HEATR3: variants seen among roughly 807,000 people sequenced by gnomAD.
HEATR3 encodes HEAT repeat containing 3, also known as HEAT repeat-containing protein 3.
In HEATR3, 56 loss-of-function variants were observed where a neutral mutation model predicts 72.8. That is an observed-to-expected ratio of 0.77 (90% CI 0.62 to 0.96). The LOEUF is 0.96. Among genes scored for constraint, HEATR3 ranks in the 40% least tolerant of loss-of-function variants. The probability of loss-of-function intolerance (pLI) is 0.00; values close to 1 mark genes in which losing one functional copy is unlikely to be tolerated. For missense variants in HEATR3, 747 were observed against 831.4 expected, an observed-to-expected ratio of 0.90 and a Z score of 1.25; for synonymous variants, 331 against 318.1, an observed-to-expected ratio of 1.04 and a Z score of -0.43.
At chr16:50,077,290 G>A (rs1315897877) in intron 6 of HEATR3, among the ~76,000 whole-genome samples, 8 of 151,660 alleles carry the variant, frequency 5.3e-5, no homozygotes, top group South Asian at 4.2e-4. Context: ...GATTACAGGC[G>A]TGAGCCACAG....
intron 11 of HEATR3, among the ~76,000 whole-genome samples, chr16:50,089,217 CT>C (rs530458656): frequency 2.2e-4 from 32 of 146,878 alleles, no homozygotes; most frequent in Admixed American, 4.1e-4. Context: ...TTGACATCAT[CT>C]TTTTTTTTTT....
At chr16:50,077,422 T>G (rs1174680053) in intron 6 of HEATR3, among the ~76,000 whole-genome samples, 1 of 152,212 alleles carries the variant, frequency 6.6e-6, no homozygotes, top group East Asian at 1.9e-4. Flanking sequence ...CCCAAAGTGC[T>G]GGAATTACAG....
chr16:50,066,247 C>T lies in HEATR3; in HGVS notation c.116C>T (p.Pro39Leu). 1 of 1,563,240 alleles carries T rather than the reference C, an allele frequency of 6.4e-7. No individual in the cohort carries two copies. Among genetic ancestry groups the T allele is most frequent in the Middle Eastern group, 1.7e-4 (1 of 5,946 alleles). ...ACCGGAGGCGAGGAGGACGACGGGCCGGCGGCGGAGCTGCTGGAAAAGGTG... is the reference window on the plus strand; with the variant it reads ...ACCGGAGGCGAGGAGGACGACGGGCTGGCGGCGGAGCTGCTGGAAAAGGTG... Reference protein sequence around the residue: ...NGTGGEEDDGPAAELLEKLQH... With the variant: ...NGTGGEEDDGLAAELLEKLQH... The change falls in exon 1 of 15, where the codon CCG becomes CTG. Residue 39 changes from proline to leucine, a missense_variant. Physicochemically the swap from Pro to Leu is moderately conservative, Grantham distance 98 (BLOSUM62 -3). Around this residue, in one of 2 missense-constraint regions of HEATR3, gnomAD observed 161 missense variants for 122.6 expected, o/e 1.31. Transcript: ENST00000299192.
intron 4 of HEATR3, among the ~76,000 whole-genome samples, chr16:50,070,942 G>A (rs1255809459): frequency 6.6e-6 from 1 of 152,172 alleles, no homozygotes; most frequent in Admixed American, 6.5e-5. Flanking sequence ...CCACATGCAG[G>A]TGCAGCTTTG....
chr16:50,099,140 T>G (rs1336077103), intron 12 of HEATR3, among the ~76,000 whole-genome samples: 2 of 152,282 alleles, frequency 1.3e-5, no homozygotes, highest in South Asian at 4.1e-4. Flanking sequence ...CCTCAGTTTC[T>G]AAGAAGTAGG....
intron 4 of HEATR3, 120 bp downstream of exon 4, chr16:50,070,410 A>G (rs1038578418): frequency 1.6e-5 from 7 of 436,646 alleles, no homozygotes; most frequent in African/African-American, 1.5e-4. Flanking sequence ...ATGTTAAGAC[A>G]TGGTAGGGGC....
At chr16:50,102,605 A>G (rs2037393564) in intron 14 of HEATR3, among the ~76,000 whole-genome samples, 170 bp downstream of exon 14, 1 of 152,190 alleles carries the variant, frequency 6.6e-6, no homozygotes, top group Non-Finnish European at 1.5e-5. Flanking sequence ...ATAGCTCAAC[A>G]GTGTGACTAC....
intron 5 of HEATR3, chr16:50,075,019 TA>T (rs2036692722): frequency 1.3e-5 from 2 of 151,862 alleles, no homozygotes; most frequent in South Asian, 4.2e-4. Flanking sequence ...TTGTATTTTG[TA>T]AAAAGTGTAG....
In HEATR3 at chr16:50,072,585, T is replaced by C. The variant is rs781590594; in HGVS notation, c.513-20T>C. The C allele has an allele frequency of 8.7e-6, 13 of 1,502,284 alleles. 1 individual carries two copies. The highest frequency in any genetic ancestry group is 4.1e-5 in the African/African-American group (3 of 72,774). The allele number at this position is 1,502,284 out of a possible 1,614,324, so 93.1% of individuals were successfully genotyped here. ...GTTAAAATGTGAATAGTAAAACTTT[T>C]TTTTCCCCCTTCAATTTAGTGAATG... On this transcript the variant is annotated intron_variant, in intron 4 of 14. Coordinates refer to ENST00000299192, the MANE Select transcript of HEATR3 (RefSeq NM_182922.4).
Position 50,084,003 on chromosome 16 carries a change from A to G in HEATR3, c.1108A>G (p.Ile370Val). 2 of 1,613,148 alleles carry G rather than the reference A, an allele frequency of 1.2e-6. No homozygotes were observed. The highest frequency in any genetic ancestry group is 1.7e-6 in the Non-Finnish European group (2 of 1,179,944). ...AGCCCAACAGACTGCTCTGGAAATT[A>G]TTGTCAACATGTGCTGCAATGAAGG... is the stretch of plus-strand genomic sequence containing the variant. ...LTAQQTALEIIVNMCCNEDPS... is the reference protein window; with the variant it reads ...LTAQQTALEIVVNMCCNEDPS... The change falls in exon 8 of 15, where the codon ATT becomes GTT. Residue 370 changes from isoleucine to valine, a missense_variant. Transcript: ENST00000299192.
chr16:50,078,163 A>G (rs1371222180), intron 6 of HEATR3, among the ~76,000 whole-genome samples: 2 of 152,102 alleles, frequency 1.3e-5, no homozygotes, highest in Non-Finnish European at 2.9e-5. Context: ...AGGGTGAGAC[A>G]CTGCACCTGG....
At chr16:50,087,549 T>A (rs1398972505) in intron 11 of HEATR3, among the ~76,000 whole-genome samples, 3 of 151,094 alleles carry the variant, frequency 2.0e-5, no homozygotes, top group Non-Finnish European at 4.4e-5. Flanking sequence ...CAAGAGAGAC[T>A]GAGAGAGAAG....
intron 7 of HEATR3, among the ~76,000 whole-genome samples, chr16:50,081,361 C>G (rs1262729569): frequency 6.6e-6 from 1 of 152,192 alleles, no homozygotes; most frequent in East Asian, 1.9e-4. Context: ...ACAAGAATCA[C>G]TTGAATCTGG....
intron 11 of HEATR3, among the ~76,000 whole-genome samples, chr16:50,092,593 C>A (rs973551576): frequency 6.6e-6 from 1 of 151,552 alleles, no homozygotes; most frequent in Non-Finnish European, 1.5e-5. Flanking sequence ...CCCGCCACCA[C>A]GCCTGGCTAA....
intron 11 of HEATR3, among the ~76,000 whole-genome samples, chr16:50,088,323 A>T (rs1171447780): frequency 3.3e-5 from 5 of 152,196 alleles, no homozygotes; most frequent in Non-Finnish European, 5.9e-5. Context: ...ATATTCAGAA[A>T]CCCATATGTG....
At chr16:50,085,107 T>TA (rs964057252) in intron 10 of HEATR3, among the ~76,000 whole-genome samples, 63 of 145,084 alleles carry the variant, frequency 4.3e-4, no homozygotes, top group Middle Eastern at 3.5e-3. Flanking sequence ...ATAAACCTAT[T>TA]AAAAAAAAAA....
chr16:50,100,398 A>G (rs1167189625), intron 13 of HEATR3, 25 bp downstream of exon 13: 2 of 1,608,710 alleles, frequency 1.2e-6, no homozygotes, highest in African/African-American at 2.7e-5. Flanking sequence ...TTCTGACCTA[A>G]CATGTTAAAT....
chr16:50,083,645 A>C (rs772648291), intron 7 of HEATR3, among the ~76,000 whole-genome samples: 1 of 152,212 alleles, frequency 6.6e-6, no homozygotes, highest in Non-Finnish European at 1.5e-5. Flanking sequence ...AATTCTGTTC[A>C]GAATTCCTGA....
At chr16:50,070,751 A>T (rs1048469719) in intron 4 of HEATR3, among the ~76,000 whole-genome samples, 12 of 151,968 alleles carry the variant, frequency 7.9e-5, no homozygotes, top group African/African-American at 2.7e-4. Flanking sequence ...ACCTAAGATC[A>T]ACCCTCCTTC....
Sources: gnomAD v4.1 joint callset for allele counts (sites outside exome capture counted in the v4.1 genomes callset) on GRCh38, gnomAD v4.1.1 for gene constraint, gnomAD v4.1.1 regional missense constraint, MANE v1.5 for transcripts, NCBI Gene and HGNC (gene_info 2026-07-23, HGNC 2026-07-21) for gene names.